Variants in GRM8 observed in about 807,000 individuals in gnomAD.
GRM8 encodes metabotropic glutamate receptor 8.
A neutral mutation model predicts 87.2 loss-of-function variants in GRM8; 47 were observed. The observed-to-expected ratio is 0.54, with a 90% CI of 0.43 to 0.69. GRM8 has a LOEUF of 0.69. Ranked by LOEUF, GRM8 falls within the 30% of genes least tolerant of loss-of-function variation. The probability of loss-of-function intolerance (pLI) is 0.00; values close to 1 mark genes in which losing one functional copy is unlikely to be tolerated. For missense variants in GRM8, 1,019 were observed against 1,139.2 expected, an observed-to-expected ratio of 0.89 and a Z score of 1.52; for synonymous variants, 396 against 404.5, an observed-to-expected ratio of 0.98 and a Z score of 0.25.
At chr7:126,959,926 G>T (rs1809130764) in intron 3 of GRM8, among the ~76,000 whole-genome samples, 1 of 152,186 alleles carries the variant, frequency 6.6e-6, no homozygotes, top group African/African-American at 2.4e-5. Context: ...GTAAGAGCCA[G>T]TTGTTGCAAA....
chr7:126,612,041 T>A (rs1265667032), intron 7 of GRM8, among the ~76,000 whole-genome samples: 1 of 152,202 alleles, frequency 6.6e-6, no homozygotes. Flanking sequence ...ATGTGGTGTC[T>A]TGAATGCATT....
chr7:126,623,203 G>A (rs919124107), intron 7 of GRM8, among the ~76,000 whole-genome samples: 5 of 152,056 alleles, frequency 3.3e-5, no homozygotes, highest in African/African-American at 1.2e-4. Flanking sequence ...AGATGTTAAC[G>A]GTTGGGGGAG....
intron 9 of GRM8, among the ~76,000 whole-genome samples, chr7:126,477,890 A>G (rs896746359): frequency 1.3e-5 from 2 of 152,134 alleles, no homozygotes; most frequent in Non-Finnish European, 2.9e-5. Flanking sequence ...CTGGAGACCA[A>G]AAGTTCAAAA....
rs796913231 is a variant in GRM8, at chr7:126,974,408, A to T, written c.728-69725T>A. On this transcript the variant is annotated intron_variant, in intron 3 of 10. Coordinates refer to ENST00000339582, the MANE Select transcript of GRM8 (RefSeq NM_000845.3). Reference sequence around the variant, plus strand: ...ATGTTAGTTTGCTTCACTATAGTAAACACCTTACTGTCTACATGTATCCCA... The same window carrying T: ...ATGTTAGTTTGCTTCACTATAGTAATCACCTTACTGTCTACATGTATCCCA... Among the ~76,000 whole-genome samples, 9 of 152,306 alleles carry T rather than the reference A, an allele frequency of 5.9e-5. 1 individual carries two copies. Among genetic ancestry groups the T allele is most frequent in the African/African-American group, 2.2e-4 (9 of 41,562 alleles).
intron 6 of GRM8, among the ~76,000 whole-genome samples, chr7:126,808,132 G>A (rs1563206874): frequency 6.6e-6 from 1 of 152,152 alleles, no homozygotes; most frequent in East Asian, 1.9e-4. Context: ...TGTGAAATTG[G>A]AGACTCAATT....
intron 3 of GRM8, among the ~76,000 whole-genome samples, chr7:126,988,866 C>A (rs1812367960): frequency 6.6e-6 from 1 of 152,180 alleles, no homozygotes; most frequent in African/African-American, 2.4e-5. Flanking sequence ...TTAGGTAGGA[C>A]CAGTAGGTCC....
At chr7:127,134,860 A>G (rs1827865828) in intron 2 of GRM8, among the ~76,000 whole-genome samples, 1 of 152,184 alleles carries the variant, frequency 6.6e-6, no homozygotes, top group Non-Finnish European at 1.5e-5. Context: ...AGCTCTGAAC[A>G]TAAGTCTGCA....
chr7:126,530,277 A>G (rs1431938646), intron 9 of GRM8, among the ~76,000 whole-genome samples: 1 of 152,248 alleles, frequency 6.6e-6, no homozygotes, highest in Non-Finnish European at 1.5e-5. Flanking sequence ...AATTAAATGC[A>G]TACTGGAAGA....
intron 7 of GRM8, among the ~76,000 whole-genome samples, chr7:126,632,989 TTCC>T (rs1363803225): frequency 6.6e-6 from 1 of 152,130 alleles, no homozygotes; most frequent in African/African-American, 2.4e-5. Flanking sequence ...AATCTAATTT[TTCC>T]TCTTTATTAT....
rs183752991 is a variant in GRM8, at chr7:126,886,790, C to A, written c.1156+15752G>T. ...TCTTGTAATACTCAAGAAATACCCTCAATTCCCAAGTACTACAGTTTATAT... is the reference window on the plus strand; with the variant it reads ...TCTTGTAATACTCAAGAAATACCCTAAATTCCCAAGTACTACAGTTTATAT... On this transcript the variant is annotated intron_variant, in intron 6 of 10. Transcript: ENST00000339582. Among the ~76,000 whole-genome samples, 548 of 152,152 alleles carry A rather than the reference C, an allele frequency of 3.6e-3. 3 individuals are homozygous for A. Among genetic ancestry groups the A allele is most frequent in the Middle Eastern group, 0.01 (3 of 292 alleles).
chr7:126,848,594 GC>G lies in GRM8; in HGVS notation c.1156+53947del, dbSNP rs1796921121. On this transcript the variant is annotated intron_variant, in intron 6 of 10. Transcript: ENST00000339582. ...CCCAGCACTTTTGGAGGCCAAGGGGGCAGATCACTTGTGGCCAGAAATTCGA... is the reference window on the plus strand; with the variant it reads ...CCCAGCACTTTTGGAGGCCAAGGGGGAGATCACTTGTGGCCAGAAATTCGA... Among the ~76,000 whole-genome samples the G allele has an allele frequency of 3.3e-5, 5 of 152,230 alleles. 1 individual carries two copies. The highest frequency in any genetic ancestry group is 3.3e-4 in the Admixed American group (5 of 15,290).
At chr7:127,084,434 C>A (rs1181586117) in intron 3 of GRM8, 1 of 152,078 alleles carries the variant, frequency 6.6e-6, no homozygotes, top group African/African-American at 2.4e-5. Flanking sequence ...TGGGAGTAGA[C>A]GAAGGGGCAT....
intron 3 of GRM8, among the ~76,000 whole-genome samples, chr7:127,055,301 G>C (rs1819874259): frequency 6.6e-6 from 1 of 152,152 alleles, no homozygotes; most frequent in African/African-American, 2.4e-5. Context: ...AATGAAAATA[G>C]TCTTCATCTG....
At chr7:126,971,554 A>C (rs1563367238) in intron 3 of GRM8, among the ~76,000 whole-genome samples, 1 of 152,180 alleles carries the variant, frequency 6.6e-6, no homozygotes, top group Non-Finnish European at 1.5e-5. Context: ...TAGGGGCTTC[A>C]ATTAAAGGTC....
chr7:127,221,858 C>T (rs1273570578), intron 2 of GRM8, among the ~76,000 whole-genome samples: 1 of 152,144 alleles, frequency 6.6e-6, no homozygotes, highest in East Asian at 1.9e-4. Context: ...GCCTAGAAGT[C>T]CACTCTTCCT....
chr7:126,519,149 T>C (rs770559207), intron 9 of GRM8, among the ~76,000 whole-genome samples: 1 of 152,046 alleles, frequency 6.6e-6, no homozygotes, highest in Non-Finnish European at 1.5e-5. Context: ...TTGGGAAGAA[T>C]GCACAAGAAT....
At chr7:126,569,196 G>C (rs1794491159) in intron 8 of GRM8, among the ~76,000 whole-genome samples, 1 of 152,062 alleles carries the variant, frequency 6.6e-6, no homozygotes, top group Admixed American at 6.6e-5. Flanking sequence ...TCTCAAATCA[G>C]TGGGCCATCT....
chr7:126,522,515 A>G (rs1479558496), intron 9 of GRM8, among the ~76,000 whole-genome samples: 1 of 152,228 alleles, frequency 6.6e-6, no homozygotes, highest in East Asian at 1.9e-4. Context: ...TAGTAATCAT[A>G]TAATTTTTCG....
chr7:127,098,604 G>T (rs1180803355), intron 3 of GRM8, among the ~76,000 whole-genome samples: 1 of 151,690 alleles, frequency 6.6e-6, no homozygotes, highest in Non-Finnish European at 1.5e-5. Flanking sequence ...AAACTTTTTG[G>T]CAACTGTCAT....
Sources: allele counts gnomAD v4.1 joint callset (sites outside exome capture counted in the v4.1 genomes callset), GRCh38; gene constraint gnomAD v4.1.1; transcripts MANE v1.5; gene names NCBI Gene and HGNC (gene_info 2026-07-23, HGNC 2026-07-21).